Variants in VAV1 observed in about 807,000 individuals in gnomAD.
VAV1 encodes vav guanine nucleotide exchange factor 1.
VAV1 carries 33 observed loss-of-function variants against 128.1 expected under a neutral mutation model. The ratio of observed to expected loss-of-function variants is 0.26; its 90% CI spans 0.20 to 0.34. The LOEUF (loss-of-function observed/expected upper bound fraction) is 0.34, where lower values mean the gene tolerates loss of function less well. Ranked by LOEUF, VAV1 falls within the 10% of genes least tolerant of loss-of-function variation. The pLI is 1.00. For synonymous variants in VAV1, 394 were observed against 409.8 expected (o/e 0.96, Z 0.47); for missense variants, 715 against 1,093.7 (o/e 0.65, Z 4.88).
rs191132755 is a variant in VAV1 at position 6,841,078 on chromosome 19, T to C, written c.1981-2057T>C. Reference sequence around the variant, plus strand: ...CAGGTGTGAGCCACCATGCCGGGCCTAATTTTTGTATTCTTTTGTAGGGAC... The same window carrying C: ...CAGGTGTGAGCCACCATGCCGGGCCCAATTTTTGTATTCTTTTGTAGGGAC... On this transcript the variant is annotated intron_variant, in intron 21 of 26. Coordinates refer to ENST00000602142, the MANE Select transcript of VAV1 (RefSeq NM_005428.4). 9.0e-4 allele frequency among the ~76,000 whole-genome samples: 137 copies of C among 151,790 alleles called. 1 individual carries two copies. Among genetic ancestry groups the C allele is most frequent in the African/African-American group, 3.2e-3 (132 of 41,400 alleles).
intron 22 of VAV1, 34 bp downstream of exon 22, chr19:6,843,200 A>G: frequency 6.2e-7 from 1 of 1,613,490 alleles, no homozygotes; most frequent in Non-Finnish European, 8.5e-7. Context: ...TTTCAATGAG[A>G]GGTTTCTGGG....
At chr19:6,801,856 G>A (rs1038801361) in intron 1 of VAV1, among the ~76,000 whole-genome samples, 2 of 152,162 alleles carry the variant, frequency 1.3e-5, no homozygotes, top group African/African-American at 2.4e-5. Context: ...CAGGGGTTTT[G>A]TTGATGGGAG....
At chr19:6,835,038 G>C (rs1049902772) in intron 19 of VAV1, among the ~76,000 whole-genome samples, 4 of 151,694 alleles carry the variant, frequency 2.6e-5, no homozygotes, top group Non-Finnish European at 5.9e-5. Flanking sequence ...GCAAGATCCT[G>C]TTTCAAAAAA....
At chr19:6,786,760 G>C (rs925769827) in intron 1 of VAV1, among the ~76,000 whole-genome samples, 2 of 152,238 alleles carry the variant, frequency 1.3e-5, no homozygotes, top group Middle Eastern at 3.4e-3. Flanking sequence ...TCTAGCCTGA[G>C]CAACAGAGAC....
At chr19:6,840,565 C>T (rs1231082775) in intron 21 of VAV1, among the ~76,000 whole-genome samples, 8 of 152,100 alleles carry the variant, frequency 5.3e-5, no homozygotes, top group South Asian at 2.1e-4. Flanking sequence ...TCCCAAAGTG[C>T]TGGGATTACA....
intron 19 of VAV1, 56 bp from the exon 20 acceptor site, chr19:6,836,376 T>A: frequency 6.4e-7 from 1 of 1,571,196 alleles, no homozygotes; most frequent in Non-Finnish European, 8.7e-7. Flanking sequence ...GGTGGCAAGA[T>A]TCAGGGTTGA....
intron 1 of VAV1, among the ~76,000 whole-genome samples, chr19:6,791,683 A>G (rs1971021049): frequency 6.6e-6 from 1 of 152,196 alleles, no homozygotes; most frequent in Non-Finnish European, 1.5e-5. Context: ...GGCCAGACCC[A>G]TTCCAGACAG....
intron 26 of VAV1, among the ~76,000 whole-genome samples, chr19:6,856,617 G>A (rs1171224337): frequency 2.6e-5 from 4 of 151,584 alleles, no homozygotes; most frequent in Admixed American, 6.6e-5. Flanking sequence ...CCAGCTACTC[G>A]GGATGCTGAG....
Position 6,857,263 on chromosome 19 carries a change from C to A in VAV1, c.*156C>A. The A allele has an allele frequency of 1.0e-6, 1 of 958,240 alleles. No individual in the cohort carries two copies. The highest frequency in any genetic ancestry group is 1.5e-6 in the Non-Finnish European group (1 of 657,898). The allele number at this position is 958,240 out of a possible 1,614,324, so 59.4% of individuals were successfully genotyped here. A position where few individuals can be genotyped will look rare whatever the true frequency, so the allele number is the denominator to read the frequency against. On this transcript the variant is annotated 3_prime_UTR_variant, in exon 27 of 27. Coordinates refer to ENST00000602142, the MANE Select transcript of VAV1 (RefSeq NM_005428.4). ...CAGCTGGCGGTGCTCCCGGGATGTGCCCTGACATGGTTAATTTATAACACC... is the reference window on the plus strand; with the variant it reads ...CAGCTGGCGGTGCTCCCGGGATGTGACCTGACATGGTTAATTTATAACACC...
intron 1 of VAV1, among the ~76,000 whole-genome samples, chr19:6,786,554 A>G (rs936943094): frequency 6.6e-6 from 1 of 152,098 alleles, no homozygotes; most frequent in African/African-American, 2.4e-5. Flanking sequence ...AGGCTGAGGC[A>G]GGAGGATCAC....
At chr19:6,776,440 CCAT>C (rs1411616677) in intron 1 of VAV1, among the ~76,000 whole-genome samples, 48 of 61,438 alleles carry the variant, frequency 7.8e-4, no homozygotes, top group African/African-American at 2.3e-3. Context: ...ATCCATCCAT[CCAT>C]CCACCCACCC....
At chr19:6,835,532 C>T (rs1311294214) in intron 19 of VAV1, among the ~76,000 whole-genome samples, 2 of 152,332 alleles carry the variant, frequency 1.3e-5, no homozygotes, top group East Asian at 3.9e-4. Context: ...TCAGAAAGCA[C>T]TGCTACTCAC....
chr19:6,817,458 G>T (rs987617723), intron 1 of VAV1, among the ~76,000 whole-genome samples: 3 of 152,058 alleles, frequency 2.0e-5, no homozygotes, highest in Non-Finnish European at 2.9e-5. Flanking sequence ...CAGATTCCCA[G>T]GCCCCACCTC....
In VAV1 at chr19:6,822,397, C is replaced by G; in HGVS notation, c.559-22C>G. The G allele has an allele frequency of 1.3e-6, 2 of 1,554,030 alleles. No individual in the cohort carries two copies. The highest frequency in any genetic ancestry group is 2.4e-5 in the South Asian group (2 of 84,430). ...GGGGCAGCCCCAGGCCCCCCAACACCGGCCTCTCCCCTCGCTCTCAGCCCA... is the reference window on the plus strand; with the variant it reads ...GGGGCAGCCCCAGGCCCCCCAACACGGGCCTCTCCCCTCGCTCTCAGCCCA... On this transcript the variant is annotated intron_variant, in intron 5 of 26. Coordinates refer to ENST00000602142, the MANE Select transcript of VAV1 (RefSeq NM_005428.4). The surrounding 1 kb of genome is among the most constrained non-coding windows in gnomAD (Gnocchi z 5.9).
chr19:6,802,596 T>C (rs1459585846), intron 1 of VAV1, among the ~76,000 whole-genome samples: 1 of 152,136 alleles, frequency 6.6e-6, no homozygotes, highest in African/African-American at 2.4e-5. Flanking sequence ...AGGAGGGAAC[T>C]TCCTCCCTCG....
chr19:6,784,235 C>A, intron 1 of VAV1: 2 of 653,472 alleles, frequency 3.1e-6, no homozygotes. Context: ...CCAGACTGGA[C>A]AAAAGAGTAA....
chr19:6,810,556 T>C (rs1478670886), intron 1 of VAV1, among the ~76,000 whole-genome samples: 5 of 151,824 alleles, frequency 3.3e-5, no homozygotes, highest in South Asian at 4.2e-4. Context: ...ATACAAAAAA[T>C]TAGCCAGGCG....
At chr19:6,836,833 GACACACACACACAC>G (rs60215253) in intron 20 of VAV1, 138 bp from the exon 21 acceptor site, 45 of 874,270 alleles carry the variant, frequency 5.1e-5, no homozygotes, top group East Asian at 1.8e-4. Flanking sequence ...CAGAGAGATG[GACACACACACACAC>G]ACACACACAC....
rs1341447045 is a variant in VAV1 at position 6,833,383 on chromosome 19, G to C, written c.1610+98G>C. Reference sequence around the variant, plus strand: ...AATTGGTTCCCTAAATTGGGAGATGGGGGAGTCCCTACTTTGATCTTCTGC... The same window carrying C: ...AATTGGTTCCCTAAATTGGGAGATGCGGGAGTCCCTACTTTGATCTTCTGC... On this transcript the variant is annotated intron_variant, in intron 16 of 26. Transcript: ENST00000602142. The C allele has an allele frequency of 4.3e-6, 6 of 1,395,134 alleles. No homozygotes were observed. In the South Asian group the frequency reaches 7.9e-5, roughly 18 times the overall value. 86.4% of individuals were successfully genotyped at this position (1,395,134 alleles called of 1,614,324 possible).
Sources: gnomAD v4.1 joint callset for allele counts (sites outside exome capture counted in the v4.1 genomes callset) on GRCh38, gnomAD v4.1.1 for gene constraint, Gnocchi (gnomAD v3.1) non-coding constraint, MANE v1.5 for transcripts, NCBI Gene and HGNC (gene_info 2026-07-23, HGNC 2026-07-21) for gene names.